CBR4: variants seen among roughly 807,000 people sequenced by gnomAD.
The protein encoded by CBR4 is 3-oxoacyl-[acyl-carrier-protein] reductase.
A neutral mutation model predicts 21.0 loss-of-function variants in CBR4; 22 were observed. That is an observed-to-expected ratio of 1.05 (90% CI 0.75 to 1.50). The LOEUF (loss-of-function observed/expected upper bound fraction) is 1.50, where lower values mean the gene tolerates loss of function less well. Ranked by LOEUF, CBR4 falls within the 40% of genes most tolerant of loss-of-function variation. CBR4 has a pLI of 0.00. For missense variants in CBR4, 302 were observed against 286.3 expected, an observed-to-expected ratio of 1.05 and a Z score of -0.40; for synonymous variants, 100 against 104.4, an observed-to-expected ratio of 0.96 and a Z score of 0.26.
intron 2 of CBR4, among the ~76,000 whole-genome samples, chr4:168,919,787 T>C (rs373893585): frequency 1.0e-3 from 158 of 152,288 alleles, no homozygotes; most frequent in African/African-American, 3.4e-3. Flanking sequence ...ACTATTTTCA[T>C]GTGTGCTGAG....
At chr4:168,960,966 C>A (rs1763833292) in intron 2 of CBR4, among the ~76,000 whole-genome samples, 1 of 152,206 alleles carries the variant, frequency 6.6e-6, no homozygotes, top group South Asian at 2.1e-4. Flanking sequence ...TGAGCTCTAT[C>A]CAATCTCAAA....
At chr4:168,979,788 C>T (rs1485610422) in intron 2 of CBR4, among the ~76,000 whole-genome samples, 2 of 152,178 alleles carry the variant, frequency 1.3e-5, no homozygotes, top group African/African-American at 2.4e-5. Context: ...CTGCATTTCC[C>T]AGGGGCGGAG....
rs1488936889 is a variant in CBR4 at position 168,989,670 on chromosome 4, T to C, written c.*480A>G. 1 of 983,706 alleles carries C rather than the reference T, an allele frequency of 1.0e-6. No individual in the cohort carries two copies. The highest frequency in any genetic ancestry group is 1.7e-5 in the African/African-American group (1 of 57,184). 60.9% of individuals were successfully genotyped at this position (983,706 alleles called of 1,614,324 possible). On this transcript the variant is annotated 3_prime_UTR_variant, in exon 5 of 5. Coordinates refer to ENST00000306193, the MANE Select transcript of CBR4 (RefSeq NM_032783.5). ...CAGCTTGATACAAGAAAATAATTCA[T>C]CATAATTAGACAATATAATTTTTCC...
At chr4:169,008,099 T>A (rs1197318035) in intron 1 of CBR4, among the ~76,000 whole-genome samples, 1 of 152,244 alleles carries the variant, frequency 6.6e-6, no homozygotes, top group South Asian at 2.1e-4. Context: ...GACAGTCTTC[T>A]GGGTTTTATA....
chr4:168,972,403 C>A (rs990251769), intron 2 of CBR4, among the ~76,000 whole-genome samples: 1 of 152,160 alleles, frequency 6.6e-6, no homozygotes, highest in Non-Finnish European at 1.5e-5. Context: ...TGATTCTACA[C>A]AGCCATGAGC....
chr4:168,984,081 T>C (rs1176807558), downstream of CBR4, among the ~76,000 whole-genome samples: 1 of 151,888 alleles, frequency 6.6e-6, no homozygotes, highest in Non-Finnish European at 1.5e-5. Flanking sequence ...GAGAAAGAAA[T>C]AAAGTGCATT....
intron 2 of CBR4, among the ~76,000 whole-genome samples, chr4:168,948,374 G>C (rs894911703): frequency 6.6e-6 from 1 of 151,910 alleles, no homozygotes; most frequent in Non-Finnish European, 1.5e-5. Context: ...TTTAGTTTAA[G>C]TCCCAGCTAT....
intron 2 of CBR4, among the ~76,000 whole-genome samples, chr4:168,917,811 T>C: frequency 6.6e-6 from 1 of 152,182 alleles, no homozygotes; most frequent in East Asian, 1.9e-4. Flanking sequence ...TATATATATA[T>C]GAGTGTGTAT....
chr4:168,981,291 CG>C (rs1764538944), intron 2 of CBR4, among the ~76,000 whole-genome samples: 1 of 151,876 alleles, frequency 6.6e-6, no homozygotes, highest in Non-Finnish European at 1.5e-5. Flanking sequence ...CCCAGCTACT[CG>C]GGAGGTTGAG....
chr4:169,005,495 T>C (rs947924540), intron 3 of CBR4, among the ~76,000 whole-genome samples: 25 of 150,816 alleles, frequency 1.7e-4, no homozygotes, highest in African/African-American at 5.6e-4. Context: ...CAATTTACTA[T>C]CTATTATTTA....
intron 2 of CBR4, among the ~76,000 whole-genome samples, chr4:168,898,906 G>T (rs1755846777): frequency 6.6e-6 from 1 of 152,222 alleles, no homozygotes; most frequent in Non-Finnish European, 1.5e-5. Context: ...GTGGTGGGGG[G>T]AGTGGAGTTT....
rs1578997604 is a variant in CBR4, at chr4:168,993,278, T to TCGGCTC, written c.536-2951_536-2950insGAGCCG. Among the ~76,000 whole-genome samples, 5 of 151,550 alleles carry TCGGCTC rather than the reference T, an allele frequency of 3.3e-5. No individual in the cohort carries two copies. The East Asian group carries it at 7.8e-4, about 24-fold the overall frequency. On this transcript the variant is annotated intron_variant, in intron 4 of 4. Transcript: ENST00000306193. ...CAGGCTGGAATGCAGTGGTGCGATC[T>TCGGCTC]AGGCTCACCGCAACCTCCGCCTCCT... is the stretch of plus-strand genomic sequence containing the variant.
intron 2 of CBR4, among the ~76,000 whole-genome samples, chr4:168,945,980 C>A (rs1247776667): frequency 6.6e-6 from 1 of 152,024 alleles, no homozygotes; most frequent in Non-Finnish European, 1.5e-5. Context: ...GACAGAATTC[C>A]TAAAAGACAA....
chr4:168,973,579 T>A (rs1764279443), intron 2 of CBR4, among the ~76,000 whole-genome samples: 1 of 152,172 alleles, frequency 6.6e-6, no homozygotes, highest in South Asian at 2.1e-4. Flanking sequence ...CCACCTGCCT[T>A]GGCCTCCCAA....
In CBR4 at chr4:168,989,982, T is replaced by C. The variant is rs2126804822; in HGVS notation, c.*168A>G. 8.0e-7 allele frequency: 1 copy of C among 1,253,050 alleles called. No homozygotes were observed. Among genetic ancestry groups the C allele is most frequent in the Non-Finnish European group, 1.0e-6 (1 of 996,936 alleles). 77.6% of individuals were successfully genotyped at this position (1,253,050 alleles called of 1,614,324 possible). A position where few individuals can be genotyped will look rare whatever the true frequency, so the allele number is the denominator to read the frequency against. On this transcript the variant is annotated 3_prime_UTR_variant, in exon 5 of 5. Transcript: ENST00000306193. ...AGACCAAAAAAAAAAAAACCACAATTTGTCACACATTGTTCTTTTGAGACA... is the reference window on the plus strand; with the variant it reads ...AGACCAAAAAAAAAAAAACCACAATCTGTCACACATTGTTCTTTTGAGACA...
intron 2 of CBR4, chr4:168,927,582 T>C (rs1447699691): frequency 8.7e-6 from 2 of 229,940 alleles, no homozygotes; most frequent in Non-Finnish European, 1.7e-5. Flanking sequence ...AAAACAGGTT[T>C]GTGCCATAAA....
chr4:168,989,074 C>T lies in CBR4; in HGVS notation c.*1076G>A. 1.0e-6 allele frequency: 1 copy of T among 984,712 alleles called. No homozygotes were observed. Among genetic ancestry groups the T allele is most frequent in the Admixed American group, 6.1e-5 (1 of 16,266 alleles). 61.0% of individuals were successfully genotyped at this position (984,712 alleles called of 1,614,324 possible). On this transcript the variant is annotated 3_prime_UTR_variant, in exon 5 of 5. Transcript: ENST00000306193. Reference sequence around the variant, plus strand: ...CAAATATTCTCACTTAAGACCAGTGCCTTCACTGCTTCTTGTAAAGACATT... The same window carrying T: ...CAAATATTCTCACTTAAGACCAGTGTCTTCACTGCTTCTTGTAAAGACATT...
intron 2 of CBR4, among the ~76,000 whole-genome samples, chr4:168,971,266 A>G (rs1027970388): frequency 9.3e-5 from 14 of 151,220 alleles, no homozygotes; most frequent in African/African-American, 3.2e-4. Context: ...CCACTTGTAT[A>G]TCTTATTTTT....
intron 2 of CBR4, chr4:168,925,023 G>T (rs767636400): frequency 6.2e-7 from 1 of 1,614,100 alleles, no homozygotes; most frequent in South Asian, 1.1e-5. Flanking sequence ...GGTATACTGT[G>T]TCAGCCAAGA....
Sources: gnomAD v4.1 joint callset for allele counts (sites outside exome capture counted in the v4.1 genomes callset) on GRCh38, gnomAD v4.1.1 for gene constraint, MANE v1.5 for transcripts, NCBI Gene and HGNC (gene_info 2026-07-23, HGNC 2026-07-21) for gene names.